PTPRN2: variants seen among roughly 807,000 people sequenced by gnomAD.
The protein encoded by PTPRN2 is protein tyrosine phosphatase receptor type N2, also known as receptor-type tyrosine-protein phosphatase N2.
PTPRN2 carries 74 observed loss-of-function variants against 118.8 expected under a neutral mutation model. The ratio of observed to expected loss-of-function variants is 0.62; its 90% confidence interval spans 0.52 to 0.76. The LOEUF is 0.76. Among genes scored for constraint, PTPRN2 ranks in the 30% least tolerant of loss-of-function variants. The probability of loss-of-function intolerance (pLI) is 0.00; values close to 1 mark genes in which losing one functional copy is unlikely to be tolerated. For synonymous variants in PTPRN2, 641 were observed against 608.0 expected (o/e 1.05, Z -0.80); for missense variants, 1,481 against 1,394.4 (o/e 1.06, Z -0.99).
chr7:158,219,568 C>CT (rs1828195990), intron 3 of PTPRN2, among the ~76,000 whole-genome samples: 1 of 151,834 alleles, frequency 6.6e-6, no homozygotes, highest in South Asian at 2.1e-4. Flanking sequence ...AAATCAAAAT[C>CT]AGAGCAGAAC....
chr7:157,569,083 T>C (rs1799633752), intron 20 of PTPRN2, 117 bp from the exon 21 acceptor site: 1 of 1,004,292 alleles, frequency 1.0e-6, no homozygotes, highest in South Asian at 1.4e-5. Flanking sequence ...GAGGAAAGGA[T>C]GGCGGATGTG....
At chr7:158,244,160 T>C (rs182002687) in intron 3 of PTPRN2, among the ~76,000 whole-genome samples, 2 of 152,328 alleles carry the variant, frequency 1.3e-5, no homozygotes, top group East Asian at 3.9e-4. Context: ...CCCCCAGGAC[T>C]TCCATGGTGG....
At chr7:157,876,048 C>A (rs1795745349) in intron 12 of PTPRN2, among the ~76,000 whole-genome samples, 1 of 152,208 alleles carries the variant, frequency 6.6e-6, no homozygotes, top group Non-Finnish European at 1.5e-5. Flanking sequence ...TAGAGGTGTT[C>A]CTGGCTGTCT....
At chr7:158,404,057 C>A (rs1813158047) in intron 2 of PTPRN2, among the ~76,000 whole-genome samples, 1 of 152,194 alleles carries the variant, frequency 6.6e-6, no homozygotes, top group African/African-American at 2.4e-5. Context: ...TCCCAGCATG[C>A]GCAGTCTTTT....
chr7:158,445,912 G>A (rs1817692053), intron 2 of PTPRN2, among the ~76,000 whole-genome samples: 1 of 152,202 alleles, frequency 6.6e-6, no homozygotes, highest in African/African-American at 2.4e-5. Flanking sequence ...ATGTGAGAAG[G>A]TAAACCCCGG....
At chr7:157,889,628 C>A (rs1316779125) in intron 12 of PTPRN2, among the ~76,000 whole-genome samples, 1 of 152,224 alleles carries the variant, frequency 6.6e-6, no homozygotes, top group Admixed American at 6.5e-5. Context: ...CATTAGCTGA[C>A]CATGCATGCC....
intron 3 of PTPRN2, among the ~76,000 whole-genome samples, chr7:158,222,793 T>C (rs765131987): frequency 2.6e-5 from 4 of 151,240 alleles, no homozygotes; most frequent in Non-Finnish European, 5.9e-5. Context: ...GAGAACACAA[T>C]AAACCCAAAT....
At position 157,609,180 on chromosome 7, in the gene PTPRN2, C is replaced by T. The variant is rs907360070; in HGVS notation, c.2345-5105G>A. The stretch of plus-strand genomic sequence containing the variant: ...GGTGGATCACCTGAGGTCAGGAGTT[C>T]GAGACCAGTCTGGCCAAAGTGGCAA... On this transcript the variant is annotated intron_variant, in intron 15 of 22. Transcript: ENST00000389418. The surrounding 1 kb of genome is among the most constrained non-coding windows in gnomAD (Gnocchi z 4.9). 4.6e-5 allele frequency among the ~76,000 whole-genome samples: 7 copies of T among 152,216 alleles called. No homozygotes were observed. Among genetic ancestry groups the T allele is most frequent in the Non-Finnish European group, 7.4e-5 (5 of 68,018 alleles).
intron 1 of PTPRN2, among the ~76,000 whole-genome samples, chr7:158,579,831 A>G (rs1828531986): frequency 6.6e-6 from 1 of 152,232 alleles, no homozygotes; most frequent in African/African-American, 2.4e-5. Context: ...ATAACAGCAT[A>G]ACAAAGCAGG....
At chr7:158,141,886 A>G (rs1319065836) in intron 6 of PTPRN2, among the ~76,000 whole-genome samples, 5 of 152,312 alleles carry the variant, frequency 3.3e-5, no homozygotes, top group African/African-American at 1.2e-4. Context: ...TTTAAAGTCA[A>G]TCTGTACACG....
In PTPRN2 at chr7:158,575,496, G is replaced by T. The variant is rs1828272049; in HGVS notation, c.112+12062C>A. 2.0e-5 allele frequency among the ~76,000 whole-genome samples: 3 copies of T among 152,248 alleles called. No homozygotes were observed. The South Asian group carries it at 6.2e-4, about 32-fold the overall frequency. ...CCTCCTGTCTCAGCCTTCCAAATAA[G>T]TGAGACCACAGGTGTGTGCCACCAG... On this transcript the variant is annotated intron_variant, in intron 1 of 22. Coordinates refer to ENST00000389418, the MANE Select transcript of PTPRN2 (RefSeq NM_002847.5).
intron 12 of PTPRN2, among the ~76,000 whole-genome samples, chr7:157,770,959 G>A (rs1025333432): frequency 4.6e-5 from 7 of 152,236 alleles, no homozygotes; most frequent in East Asian, 1.9e-4. Flanking sequence ...CTGTGGGCCC[G>A]CTTGGCCGGT....
At chr7:157,673,746 C>G (rs1442547382) in intron 13 of PTPRN2, among the ~76,000 whole-genome samples, 1 of 152,092 alleles carries the variant, frequency 6.6e-6, no homozygotes, top group South Asian at 2.1e-4. Context: ...TTCTTCCTCT[C>G]CCACGTTCTG....
At chr7:158,067,517 GT>G (rs140006434) in intron 11 of PTPRN2, among the ~76,000 whole-genome samples, 3,157 of 152,258 alleles carry the variant, frequency 0.021, 87 homozygotes, top group African/African-American at 0.065. Context: ...AAGAGTCTGC[GT>G]TTTTAACGAC....
chr7:157,708,075 C>G (rs1798422320), intron 12 of PTPRN2, among the ~76,000 whole-genome samples: 1 of 152,272 alleles, frequency 6.6e-6, no homozygotes, highest in East Asian at 1.9e-4. Context: ...GGGCCAGCCG[C>G]TGGCTGCTCT....
rs139627101 is a variant in PTPRN2 at position 157,595,301 on chromosome 7, C to T, written c.2433G>A (p.Pro811=). 5.5e-4 allele frequency: 888 copies of T among 1,614,198 alleles called. 5 individuals are homozygous for T. The African/African-American group carries it at 9.3e-3, about 17-fold the overall frequency. The change falls in exon 17 of 23, where the codon CCG becomes CCA. Residue 811 remains proline (P), a synonymous_variant. Coordinates refer to ENST00000389418, the MANE Select transcript of PTPRN2 (RefSeq NM_002847.5). ...INASPIMDHD[P]RNPAYIATQG... is the part of the protein sequence containing the mutation. ...GGGTGGCGATGTACGCGGGGTTCCT[C>T]GGGTCGTGATCCATCTGCAGAGACA...
At chr7:157,915,943 C>T (rs1474768967) in intron 11 of PTPRN2, among the ~76,000 whole-genome samples, 2 of 152,160 alleles carry the variant, frequency 1.3e-5, no homozygotes, top group African/African-American at 4.8e-5. Flanking sequence ...AAATCTCTGC[C>T]CCGCCCCAGC....
chr7:157,842,614 C>T (rs751391969), intron 12 of PTPRN2, among the ~76,000 whole-genome samples: 2 of 151,944 alleles, frequency 1.3e-5, no homozygotes, highest in Non-Finnish European at 2.9e-5. Context: ...GGGGTTTCAC[C>T]ATGTCGGTCA....
At position 158,003,792 on chromosome 7, in the gene PTPRN2, C is replaced by T. The variant is rs949502008; in HGVS notation, c.1723+77506G>A. 9.2e-5 allele frequency among the ~76,000 whole-genome samples: 14 copies of T among 152,266 alleles called. No homozygotes were observed. In the South Asian group the frequency reaches 2.5e-3, roughly 27 times the overall value. On this transcript the variant is annotated intron_variant, in intron 11 of 22. Transcript: ENST00000389418. This position sits in a 1 kb window ranked among gnomAD's most constrained non-coding sequence, Gnocchi z 5.0. The stretch of plus-strand genomic sequence containing the variant: ...ATGGGCTTGGCGGCACCTCCCAACA[C>T]GCCAAGGCCAGTGGTAAAACGGGCC...
Sources: gnomAD v4.1 joint callset for allele counts (sites outside exome capture counted in the v4.1 genomes callset) on GRCh38, gnomAD v4.1.1 for gene constraint, Gnocchi (gnomAD v3.1) non-coding constraint, MANE v1.5 for transcripts, NCBI Gene and HGNC (gene_info 2026-07-23, HGNC 2026-07-21) for gene names.